IGSF22: variants seen among roughly 807,000 people sequenced by gnomAD.
The protein encoded by IGSF22 is immunoglobulin superfamily member 22, also known as immunoglobulin superfamily, member 22.
A neutral mutation model predicts 127.0 loss-of-function variants in IGSF22; 119 were observed. That is an observed-to-expected ratio of 0.94 (90% CI 0.81 to 1.09). The LOEUF is 1.09. Among genes scored for constraint, IGSF22 ranks in the 50% least tolerant of loss-of-function variants. The pLI, the probability that IGSF22 is intolerant of heterozygous loss-of-function variation, is 0.00. For missense variants in IGSF22, 1,518 were observed against 1,716.6 expected, an observed-to-expected ratio of 0.88 and a Z score of 2.04; for synonymous variants, 568 against 664.7, an observed-to-expected ratio of 0.85 and a Z score of 2.24.
At position 18,712,124 on chromosome 11, in the gene IGSF22, C is replaced by G. The variant is rs915538874; in HGVS notation, c.2356G>C (p.Asp786His). 2 of 1,551,710 alleles carry G rather than the reference C, an allele frequency of 1.3e-6. No homozygotes were observed. Among genetic ancestry groups the G allele is most frequent in the Non-Finnish European group, 1.7e-6 (2 of 1,146,980 alleles). ...AACACTTCTTCTGTCTCCAGTGGGTCACTCACACCTTCTGAATTGACTGCC... is the reference window on the plus strand; with the variant it reads ...AACACTTCTTCTGTCTCCAGTGGGTGACTCACACCTTCTGAATTGACTGCC... Reference protein sequence around the residue: ...ILAVNSEGVSDPLETEEVFAG... With the variant: ...ILAVNSEGVSHPLETEEVFAG... Residue 786 changes from aspartate (D) to histidine (H), a missense_variant, in exon 15 of 23, where the codon GAC becomes CAC. By Grantham distance (81) the Asp-to-His change is moderately conservative. Transcript: ENST00000513874.
rs1265389723 is a variant in IGSF22 at position 18,718,073 on chromosome 11, G to C, written c.831C>G (p.Ile277Met). The stretch of plus-strand genomic sequence containing the variant: ...CATCGTACTTGCCCAGGGAGTACTG[G>C]ATCCTCAGTGGCTCAGTACCCTGCC... ...IWIKGTEPLR[I>M]QYSLGKYDVK... Residue 277 changes from isoleucine to methionine, a missense_variant, in exon 9 of 23, where the codon ATC becomes ATG. Coordinates refer to ENST00000513874, the MANE Select transcript of IGSF22 (RefSeq NM_173588.4). The C allele has an allele frequency of 6.2e-7, 1 of 1,614,118 alleles. No homozygotes were observed. The highest frequency in any genetic ancestry group is 1.7e-5 in the Admixed American group (1 of 60,016).
chr11:18,706,498 C>CT, intron 21 of IGSF22: 1 of 409,326 alleles, frequency 2.4e-6, no homozygotes. Context: ...CGACCACAGT[C>CT]TCCCCTCTTA....
Position 18,721,655 on chromosome 11 carries a change from G to C in IGSF22, c.258C>G (p.Phe86Leu), listed in dbSNP as rs748365999. 1 of 1,614,260 alleles carries C rather than the reference G, an allele frequency of 6.2e-7. No individual in the cohort carries two copies. The change falls in exon 4 of 23, where the codon TTC becomes TTG. Residue 86 changes from phenylalanine to leucine, a missense_variant. By Grantham distance (22) the Phe-to-Leu change is conservative. This residue lies in a region of IGSF22 where 1,456 missense variants were observed against 1,644.9 expected (regional missense o/e 0.89). Transcript: ENST00000513874. ...VTAPEGDKAV[F>L]RARVQGNAKP... is the part of the protein sequence containing the mutation. ...TGGCGTTCCCCTGCACCCGGGCTCG[G>C]AACACGGCTTTGTCCCCTGCGATGA...
At chr11:18,715,388 G>A (rs890833434) in intron 11 of IGSF22, 44 bp downstream of exon 11, 56 of 1,570,338 alleles carry the variant, frequency 3.6e-5, no homozygotes, top group Non-Finnish European at 4.7e-5. Flanking sequence ...GGAATGCCAG[G>A]GTCAGGGGGA....
chr11:18,713,969 C>A lies in IGSF22; in HGVS notation c.1978G>T (p.Glu660Ter). Residue 660 changes from glutamate (E) to a stop codon, truncating the protein, a stop_gained, in exon 14 of 23, where the codon GAA becomes TAA. Transcript: ENST00000513874. LOFTEE classifies it high-confidence loss of function. The stretch of plus-strand genomic sequence containing the variant: ...GAGATGGTGAGCAGTGCCTGGTCTT[C>A]CCCGCGCTCCATGGACACGCGTTCC... Reference protein sequence around the residue: ...EEERVSMERGEDQALLTISNC... With the variant: ...EEERVSMERG 6.2e-7 allele frequency: 1 copy of A among 1,614,272 alleles called. No individual in the cohort carries two copies. Among genetic ancestry groups the A allele is most frequent in the Non-Finnish European group, 8.5e-7 (1 of 1,180,054 alleles).
intron 2 of IGSF22, among the ~76,000 whole-genome samples, chr11:18,723,466 G>A (rs1279884741): frequency 3.3e-5 from 5 of 152,212 alleles, no homozygotes; most frequent in African/African-American, 1.2e-4. Flanking sequence ...GGACTTTGAG[G>A]GACTCTATCC....
rs1848373340 is a variant in IGSF22, at chr11:18,712,343, G to A, written c.2137C>T (p.Leu713Phe). 6.4e-7 allele frequency: 1 copy of A among 1,551,602 alleles called. No individual in the cohort carries two copies. The highest frequency in any genetic ancestry group is 8.7e-7 in the Non-Finnish European group (1 of 1,146,948). Residue 713 changes from leucine to phenylalanine, a missense_variant, in exon 15 of 23, where the codon CTC (leucine) becomes TTC (phenylalanine). Around this residue, in one of 3 missense-constraint regions of IGSF22, gnomAD observed 1,456 missense variants for 1,644.9 expected, o/e 0.89. Transcript: ENST00000513874. ...TTCATGTGCACACAACTACCTGAGA[G>A]CTCCAGGAACTCCACCCGGCCCTGT... Reference protein sequence around the residue: ...PPQGRVEFLELSGSCVHMKWK... With the variant: ...PPQGRVEFLEFSGSCVHMKWK...
rs1460217601 is a variant in IGSF22, at chr11:18,714,413, C to T, written c.1662G>A (p.Thr554=). The change falls in exon 13 of 23, where the codon ACG becomes ACA. Residue 554 remains threonine (T), a synonymous_variant. Coordinates refer to ENST00000513874, the MANE Select transcript of IGSF22 (RefSeq NM_173588.4). ...GVWLKDGKEI[T]DLPGMQIVKQ... Reference sequence around the variant, plus strand: ...TCACAATCTGCATGCCTGGCAAGTCCGTGATCTGGGGGTCAGGGGTGGGCC... The same window carrying T: ...TCACAATCTGCATGCCTGGCAAGTCTGTGATCTGGGGGTCAGGGGTGGGCC... 7.4e-6 allele frequency: 12 copies of T among 1,614,026 alleles called. No homozygotes were observed. The highest frequency in any genetic ancestry group is 1.7e-4 in the Middle Eastern group (1 of 6,060).
intron 7 of IGSF22, 30 bp from the exon 8 acceptor site, chr11:18,718,758 T>G (rs1181628402): frequency 2.1e-6 from 3 of 1,410,538 alleles, no homozygotes; most frequent in Non-Finnish European, 3.0e-6. Flanking sequence ...AAATGACAAG[T>G]GTCAGTGGTA....
chr11:18,713,936 C>T lies in IGSF22; in HGVS notation c.2011G>A (p.Val671Met), dbSNP rs747304884. 9.3e-6 allele frequency: 15 copies of T among 1,614,270 alleles called. No homozygotes were observed. The South Asian group carries it at 1.5e-4, about 17-fold the overall frequency. ...DQALLTISNC[V>M]REDSGLILLK... ...AGGATGAGGCCGCTGTCTTCACGCA[C>T]ACAGTTGGAGATGGTGAGCAGTGCC... The change falls in exon 14 of 23, where the codon GTG (valine) becomes ATG (methionine). Residue 671 changes from valine to methionine, a missense_variant. This residue lies in a region of IGSF22 where 1,456 missense variants were observed against 1,644.9 expected (regional missense o/e 0.89). Transcript: ENST00000513874.
At chr11:18,718,807 A>G (rs1590452249) in intron 7 of IGSF22, 79 bp from the exon 8 acceptor site, 2 of 827,394 alleles carry the variant, frequency 2.4e-6, no homozygotes, top group East Asian at 4.9e-5. Context: ...ATCCTGGAGA[A>G]ACTCTTAAGC....
chr11:18,707,989 G>A lies in IGSF22; in HGVS notation c.3095C>T (p.Pro1032Leu). Reference protein sequence around the residue: ...LCIHAAFSGSPPPDVIWQKDG... With the variant: ...LCIHAAFSGSLPPDVIWQKDG... ...TTTCTGCCAGATCACGTCAGGTGGT[G>A]GTGAGCCCTGAGTAGTGACAGGAGA... is the stretch of plus-strand genomic sequence containing the variant. Residue 1032 changes from proline to leucine, a missense_variant, in exon 20 of 23, where the codon CCA becomes CTA. Coordinates refer to ENST00000513874, the MANE Select transcript of IGSF22 (RefSeq NM_173588.4). 1.2e-6 allele frequency: 2 copies of A among 1,614,048 alleles called. No individual in the cohort carries two copies. The highest frequency in any genetic ancestry group is 1.7e-6 in the Non-Finnish European group (2 of 1,179,940).
intron 15 of IGSF22, 62 bp from the exon 16 acceptor site, chr11:18,710,890 C>T (rs1028063877): frequency 1.9e-5 from 27 of 1,425,936 alleles, no homozygotes; most frequent in Non-Finnish European, 2.5e-5. Context: ...TTGCCCACCT[C>T]ATGCTGACTT....
In IGSF22 at chr11:18,716,347, T is replaced by G. The variant is rs893936006; in HGVS notation, c.1246+381A>C. ...TTCAGATGTGTGACATGCTCATTGGTGTACCTACATTATGTGCGAACTCCC... is the reference window on the plus strand; with the variant it reads ...TTCAGATGTGTGACATGCTCATTGGGGTACCTACATTATGTGCGAACTCCC... On this transcript the variant is annotated intron_variant, in intron 10 of 22. Coordinates refer to ENST00000513874, the MANE Select transcript of IGSF22 (RefSeq NM_173588.4). This position sits in a 1 kb window ranked among gnomAD's most constrained non-coding sequence, Gnocchi z 4.5. Among the ~76,000 whole-genome samples, 1 of 152,188 alleles carries G rather than the reference T, an allele frequency of 6.6e-6. No individual in the cohort carries two copies. The highest frequency in any genetic ancestry group is 2.4e-5 in the African/African-American group (1 of 41,438).
At position 18,709,687 on chromosome 11, in the gene IGSF22, G is replaced by A; in HGVS notation, c.2702-4C>T. 4 of 1,612,128 alleles carry A rather than the reference G, an allele frequency of 2.5e-6. No individual in the cohort carries two copies. The highest frequency in any genetic ancestry group is 2.7e-5 in the African/African-American group (2 of 74,928). ...TCCTGGACCAGGCCTGGGGGTTCTG[G>A]GGTAGAACAGACATGTAGTCAGCCC... On this transcript the variant is annotated splice_polypyrimidine_tract_variant and splice_region_variant and intron_variant, in intron 17 of 22. Transcript: ENST00000513874. The surrounding 1 kb of genome is among the most constrained non-coding windows in gnomAD (Gnocchi z 4.8).
chr11:18,711,297 ACAGTGTGACCCC>A (rs1185030369), intron 15 of IGSF22, among the ~76,000 whole-genome samples: 2 of 152,192 alleles, frequency 1.3e-5, no homozygotes, highest in Admixed American at 1.3e-4. Flanking sequence ...AAACTTTCCT[ACAGTGTGACCCC>A]CAATCCCATC....
chr11:18,714,157 C>G lies in IGSF22; in HGVS notation c.1799-9G>C. On this transcript the variant is annotated splice_polypyrimidine_tract_variant and intron_variant, in intron 13 of 22. Transcript: ENST00000513874. ...GTCGATGGTAGGAGGATCTGTGGGG[C>G]GGGGCGGCAGGGAAGGCTTGAGCAT... 1 of 1,604,198 alleles carries G rather than the reference C, an allele frequency of 6.2e-7. No homozygotes were observed. The highest frequency in any genetic ancestry group is 1.1e-5 in the South Asian group (1 of 89,680).
At chr11:18,722,537 T>A (rs1265616487) in intron 2 of IGSF22, among the ~76,000 whole-genome samples, 1 of 152,114 alleles carries the variant, frequency 6.6e-6, no homozygotes, top group African/African-American at 2.4e-5. Flanking sequence ...CACGACACAG[T>A]CCCACTCCAG....
chr11:18,708,173 C>A (rs1248656126), intron 19 of IGSF22, 34 bp downstream of exon 19: 2 of 1,533,142 alleles, frequency 1.3e-6, no homozygotes, highest in Admixed American at 2.0e-5. Context: ...GTTATGTGGA[C>A]AGTGTATGGA....
Sources: gnomAD v4.1 joint callset for allele counts (sites outside exome capture counted in the v4.1 genomes callset) on GRCh38, gnomAD v4.1.1 for gene constraint, gnomAD v4.1.1 regional missense constraint, Gnocchi (gnomAD v3.1) non-coding constraint, MANE v1.5 for transcripts, NCBI Gene and HGNC (gene_info 2026-07-23, HGNC 2026-07-21) for gene names.